Variants in C6 observed in about 807,000 individuals in gnomAD.
C6 encodes the protein complement component C6.
In C6, 101 loss-of-function variants were observed where a neutral mutation model predicts 112.9. The ratio of observed to expected loss-of-function variants is 0.89; its 90% confidence interval spans 0.76 to 1.06. The LOEUF (loss-of-function observed/expected upper bound fraction) is 1.06. C6 is among the 50% of genes least tolerant of loss of function. The pLI, the probability that C6 is intolerant of heterozygous loss-of-function variation, is 0.00. For synonymous variants in C6, 431 were observed against 384.1 expected, an observed-to-expected ratio of 1.12 and a Z score of -1.43; for missense variants, 1,202 against 1,104.6, an observed-to-expected ratio of 1.09 and a Z score of -1.25.
chr5:41,197,272 C>T (rs186819687), intron 4 of C6, among the ~76,000 whole-genome samples: 93 of 152,134 alleles, frequency 6.1e-4, no homozygotes, highest in African/African-American at 8.4e-4. Flanking sequence ...ATTATAGCTA[C>T]GAGCACTATA....
At chr5:41,249,623 G>A (rs1165607768) in intron 1 of C6, among the ~76,000 whole-genome samples, 2 of 152,156 alleles carry the variant, frequency 1.3e-5, no homozygotes, top group Non-Finnish European at 2.9e-5. Context: ...TTGAATATTG[G>A]CTAAATTGTT....
At chr5:41,256,649 C>A (rs772949702) in intron 1 of C6, among the ~76,000 whole-genome samples, 9 of 152,064 alleles carry the variant, frequency 5.9e-5, no homozygotes, top group Non-Finnish European at 1.2e-4. Context: ...TGGCATAAAG[C>A]TTGCCTGGTT....
At chr5:41,159,440 A>G (rs1028564884) in intron 11 of C6, 187 bp from the exon 12 acceptor site, 1 of 984,944 alleles carries the variant, frequency 1.0e-6, no homozygotes, top group Admixed American at 6.1e-5. Flanking sequence ...ATTTCCTTTT[A>G]GACTTTGTTC....
chr5:41,185,114 G>T (rs1324675530), intron 6 of C6, among the ~76,000 whole-genome samples: 1 of 152,146 alleles, frequency 6.6e-6, no homozygotes, highest in African/African-American at 2.4e-5. Flanking sequence ...TTAGGTTTTA[G>T]CTCTGTCTAC....
chr5:41,244,062 G>A (rs1248758469), intron 1 of C6, among the ~76,000 whole-genome samples: 1 of 152,056 alleles, frequency 6.6e-6, no homozygotes, highest in African/African-American at 2.4e-5. Flanking sequence ...CTTTGACTCA[G>A]GACCTGCTTT....
At chr5:41,254,795 C>T (rs980085004) in intron 1 of C6, among the ~76,000 whole-genome samples, 1 of 152,126 alleles carries the variant, frequency 6.6e-6, no homozygotes, top group African/African-American at 2.4e-5. Flanking sequence ...ATCCAGAAAG[C>T]AAGATTTACA....
intron 1 of C6, among the ~76,000 whole-genome samples, chr5:41,234,014 A>T (rs377722161): frequency 1.3e-5 from 2 of 152,124 alleles, no homozygotes; most frequent in East Asian, 1.9e-4. Context: ...AAACCTTCAA[A>T]GTATTGCTAT....
chr5:41,234,867 G>A lies in C6; in HGVS notation c.-21+26327C>T, dbSNP rs145068717. On this transcript the variant is annotated intron_variant, in intron 1 of 17. Coordinates refer to the C6 transcript ENST00000263413. ...TGTGAATTACTCAGAATACAAGGTA[G>A]ATAATTTATTGTTGCCTGTTGCTAT... Among the ~76,000 whole-genome samples the A allele has an allele frequency of 3.3e-3, 496 of 152,198 alleles. 2 individuals are homozygous for A. Among genetic ancestry groups the A allele is most frequent in the African/African-American group, 0.011 (469 of 41,538 alleles).
At chr5:41,187,407 A>T (rs971544540) in intron 5 of C6, among the ~76,000 whole-genome samples, 3 of 152,130 alleles carry the variant, frequency 2.0e-5, no homozygotes, top group African/African-American at 7.2e-5. Flanking sequence ...TATCACAAAG[A>T]TCTGAAAAAA....
At chr5:41,207,567 G>A (rs1047855195) in intron 1 of C6, among the ~76,000 whole-genome samples, 4 of 152,094 alleles carry the variant, frequency 2.6e-5, no homozygotes, top group Admixed American at 6.5e-5. Context: ...AAAAAGGCAG[G>A]TGTTGCGATC....
intron 1 of C6, among the ~76,000 whole-genome samples, chr5:41,257,330 A>G (rs1741783036): frequency 6.6e-6 from 1 of 151,992 alleles, no homozygotes; most frequent in Non-Finnish European, 1.5e-5. Flanking sequence ...AGCTACATTC[A>G]TGTTGCTGCC....
At chr5:41,182,004 T>C (rs1292371312) in intron 6 of C6, among the ~76,000 whole-genome samples, 2 of 152,214 alleles carry the variant, frequency 1.3e-5, no homozygotes, top group Admixed American at 6.5e-5. Context: ...CCTTGTTTTA[T>C]ACTTTTTCAA....
intron 1 of C6, among the ~76,000 whole-genome samples, chr5:41,252,969 T>C (rs1447264707): frequency 6.6e-6 from 1 of 152,216 alleles, no homozygotes; most frequent in Non-Finnish European, 1.5e-5. Context: ...TCAACCACCT[T>C]GGGCACATGT....
intron 1 of C6, among the ~76,000 whole-genome samples, chr5:41,243,336 T>C (rs756813933): frequency 5.3e-5 from 8 of 152,216 alleles, no homozygotes; most frequent in Non-Finnish European, 1.2e-4. Flanking sequence ...TTGACACTCA[T>C]ATCTCATGAT....
intron 17 of C6, among the ~76,000 whole-genome samples, chr5:41,147,493 C>T (rs1241812814): frequency 2.6e-5 from 4 of 152,198 alleles, no homozygotes; most frequent in Middle Eastern, 6.8e-3. Context: ...TGATAATCAA[C>T]CTTAAGTGGA....
chr5:41,207,776 A>T (rs950292696), intron 1 of C6, among the ~76,000 whole-genome samples: 1 of 152,190 alleles, frequency 6.6e-6, no homozygotes, highest in African/African-American at 2.4e-5. Context: ...CACAATAATA[A>T]TGGGAGATTT....
chr5:41,242,962 G>T (rs10068381), intron 1 of C6, among the ~76,000 whole-genome samples: 3,607 of 151,972 alleles, frequency 0.024, 141 homozygotes, highest in African/African-American at 0.082. Context: ...ACTCATAGAC[G>T]CAGAGAGTAG....
chr5:41,245,472 GAT>G (rs769520077), intron 1 of C6, among the ~76,000 whole-genome samples: 3 of 150,708 alleles, frequency 2.0e-5, no homozygotes, highest in Admixed American at 1.3e-4. Context: ...AGTGAACTGA[GAT>G]AGCACCATTG....
chr5:41,185,278 A>G (rs1337698619), intron 6 of C6, among the ~76,000 whole-genome samples: 1 of 152,190 alleles, frequency 6.6e-6, no homozygotes, highest in Non-Finnish European at 1.5e-5. Context: ...AAATGCCTGT[A>G]TTTATATGTA....
Sources: gnomAD v4.1 joint callset for allele counts (sites outside exome capture counted in the v4.1 genomes callset) on GRCh38, gnomAD v4.1.1 for gene constraint, MANE v1.5 for transcripts, NCBI Gene and HGNC (gene_info 2026-07-23, HGNC 2026-07-21) for gene names.